Variants in CNOT10 observed in about 807,000 individuals in gnomAD.
CNOT10 encodes CCR4-NOT transcription complex subunit 10.
Under a neutral mutation model 94.6 loss-of-function variants are expected in CNOT10, and 30 were observed. The observed-to-expected ratio is 0.32, with a 90% CI of 0.24 to 0.43. CNOT10 has a LOEUF of 0.43. Among genes scored for constraint, CNOT10 ranks in the 20% least tolerant of loss-of-function variants. The probability of loss-of-function intolerance (pLI) is 1.00; values close to 1 mark genes in which losing one functional copy is unlikely to be tolerated. For missense variants in CNOT10, 759 were observed against 877.2 expected (o/e 0.87, Z 1.70); for synonymous variants, 289 against 301.6 (o/e 0.96, Z 0.43).
At chr3:32,768,913 A>G (rs952391671) in intron 17 of CNOT10, 1 of 152,154 alleles carries the variant, frequency 6.6e-6, no homozygotes, top group Non-Finnish European at 1.5e-5. Flanking sequence ...TGAGATATCT[A>G]CCCTGCAAGG....
At chr3:32,696,315 C>CA (rs372144615) in intron 1 of CNOT10, among the ~76,000 whole-genome samples, 3,118 of 132,292 alleles carry the variant, frequency 0.024, 42 homozygotes, top group East Asian at 0.045. Context: ...GACTCCGTCT[C>CA]AAAAAAAAAA....
intron 1 of CNOT10, among the ~76,000 whole-genome samples, chr3:32,702,587 T>A (rs1376269256): frequency 6.6e-6 from 1 of 152,236 alleles, no homozygotes; most frequent in Non-Finnish European, 1.5e-5. Context: ...GGAAATTAGC[T>A]GTAAGCCCTT....
intron 1 of CNOT10, among the ~76,000 whole-genome samples, chr3:32,687,459 T>TTTTTTTTTG (rs1696669555): frequency 1.0e-4 from 11 of 110,120 alleles, no homozygotes; most frequent in African/African-American, 2.6e-4. Flanking sequence ...TTTGTTTTTT[T>TTTTTTTTTG]TTTTTTTTTT....
At chr3:32,727,631 A>G (rs996359597) in intron 9 of CNOT10, 37 bp from the exon 10 acceptor site, 1 of 1,323,598 alleles carries the variant, frequency 7.6e-7, no homozygotes, top group African/African-American at 1.5e-5. Flanking sequence ...ATTACTGTAA[A>G]TCTAATGATG....
chr3:32,701,140 C>T (rs980683926), intron 1 of CNOT10, among the ~76,000 whole-genome samples: 3 of 151,818 alleles, frequency 2.0e-5, no homozygotes, highest in Non-Finnish European at 4.4e-5. Flanking sequence ...CCAGGTGTGG[C>T]GGCAGGTGCC....
intron 1 of CNOT10, among the ~76,000 whole-genome samples, chr3:32,687,456 T>TTTTTTTTTTTTG (rs1696667465): frequency 3.1e-5 from 3 of 96,494 alleles, no homozygotes; most frequent in Non-Finnish European, 4.3e-5. Context: ...TTTTTTGTTT[T>TTTTTTTTTTTTG]TTTTTTTTTT....
intron 1 of CNOT10, among the ~76,000 whole-genome samples, chr3:32,690,296 G>A (rs1014758452): frequency 3.9e-5 from 6 of 152,166 alleles, no homozygotes; most frequent in Non-Finnish European, 7.3e-5. Context: ...GCTTTCCTGC[G>A]TGTAGAATGA....
chr3:32,743,542 G>A (rs1467465526), intron 13 of CNOT10, among the ~76,000 whole-genome samples: 1 of 152,064 alleles, frequency 6.6e-6, no homozygotes, highest in Non-Finnish European at 1.5e-5. Context: ...GCTGAGGCAG[G>A]AGAATTGCTT....
chr3:32,773,016 C>T (rs527607116), intron 18 of CNOT10, among the ~76,000 whole-genome samples: 9 of 152,228 alleles, frequency 5.9e-5, no homozygotes, highest in African/African-American at 2.2e-4. Flanking sequence ...CAGGCATGCA[C>T]CACCATGCCC....
chr3:32,724,966 G>A (rs1251083181), intron 8 of CNOT10, among the ~76,000 whole-genome samples: 1 of 152,148 alleles, frequency 6.6e-6, no homozygotes, highest in Non-Finnish European at 1.5e-5. Flanking sequence ...TTTCATTAGT[G>A]GATGCAATGC....
chr3:32,757,196 T>G (rs1251951904), intron 13 of CNOT10, among the ~76,000 whole-genome samples: 4 of 139,462 alleles, frequency 2.9e-5, no homozygotes, highest in African/African-American at 1.1e-4. Flanking sequence ...TTTTTTTTTT[T>G]GTGACGGAGT....
intron 14 of CNOT10, 120 bp downstream of exon 14, chr3:32,759,691 A>G (rs1700362710): frequency 8.2e-6 from 6 of 730,550 alleles, no homozygotes; most frequent in South Asian, 3.4e-5. Context: ...AAGGAAAGCA[A>G]CTGTTTAAAA....
At chr3:32,687,851 G>T (rs1264286616) in intron 1 of CNOT10, 1 of 152,218 alleles carries the variant, frequency 6.6e-6, no homozygotes, top group African/African-American at 2.4e-5. Flanking sequence ...AATTACTGTT[G>T]CAAAGCATTG....
chr3:32,757,770 A>G (rs1417516860), intron 13 of CNOT10, among the ~76,000 whole-genome samples: 3 of 152,152 alleles, frequency 2.0e-5, no homozygotes, highest in African/African-American at 4.8e-5. Flanking sequence ...GACTGTGGCC[A>G]TGGGACAACC....
chr3:32,725,840 T>C (rs560596092), intron 9 of CNOT10, among the ~76,000 whole-genome samples: 10 of 152,350 alleles, frequency 6.6e-5, no homozygotes, highest in African/African-American at 1.9e-4. Context: ...TTTCATTGAT[T>C]TGAAAATGAG....
Position 32,704,827 on chromosome 3 carries a change from C to T in CNOT10, c.134C>T (p.Ala45Val). ...TTTTTTTAGTCTGGAAATTATGATG[C>T]CTGTCTACAACACCTTGCCTGTCTA... ...FQAFTSGNYDACLQHLACLQD... is the reference protein window; with the variant it reads ...FQAFTSGNYDVCLQHLACLQD... Residue 45 changes from alanine to valine, a missense_variant, in exon 3 of 19, where the codon GCC (alanine) becomes GTC (valine). Physicochemically the swap from Ala to Val is moderately conservative, Grantham distance 64. This residue lies in a region of CNOT10 where 682 missense variants were observed against 799.4 expected (regional missense o/e 0.85). Coordinates refer to ENST00000328834, the MANE Select transcript of CNOT10 (RefSeq NM_015442.3). 6.4e-7 allele frequency: 1 copy of T among 1,557,042 alleles called. No individual in the cohort carries two copies. The highest frequency in any genetic ancestry group is 2.3e-5 in the Admixed American group (1 of 44,006).
chr3:32,727,886 G>A lies in CNOT10; in HGVS notation c.1215+16G>A, dbSNP rs1698751895. 2 of 1,596,118 alleles carry A rather than the reference G, an allele frequency of 1.3e-6. No individual in the cohort carries two copies. Among genetic ancestry groups the A allele is most frequent in the East Asian group, 2.2e-5 (1 of 44,486 alleles). On this transcript the variant is annotated intron_variant, in intron 10 of 18. Transcript: ENST00000328834. ...CAATAAGGGGGTGAGTGCTACTTGG[G>A]TATCTTTTTAAACCCTGTCTTCTCC...
chr3:32,709,474 A>G (rs971075013), intron 4 of CNOT10, among the ~76,000 whole-genome samples: 2 of 152,146 alleles, frequency 1.3e-5, no homozygotes, highest in African/African-American at 2.4e-5. Context: ...GAGAATTCCT[A>G]ATTTATCAGG....
intron 13 of CNOT10, among the ~76,000 whole-genome samples, chr3:32,757,265 C>T (rs1292977755): frequency 6.8e-6 from 1 of 146,298 alleles, no homozygotes; most frequent in Admixed American, 6.9e-5. Context: ...CCGCAACCTC[C>T]ACCTTCCAGG....
Sources: allele counts gnomAD v4.1 joint callset (sites outside exome capture counted in the v4.1 genomes callset), GRCh38; gene constraint gnomAD v4.1.1; regional missense constraint gnomAD v4.1.1; transcripts MANE v1.5; gene names NCBI Gene and HGNC (gene_info 2026-07-23, HGNC 2026-07-21).